The following ESR1 variants were observed in gnomAD, a reference collection of about 807,000 sequenced individuals.
ESR1 encodes estrogen receptor.
A neutral mutation model predicts 52.7 loss-of-function variants in ESR1; 12 were observed. The ratio of observed to expected loss-of-function variants is 0.23; its 90% CI spans 0.15 to 0.37. The LOEUF is 0.37. Among genes scored for constraint, ESR1 ranks in the 10% least tolerant of loss-of-function variants. The pLI, the probability that ESR1 is intolerant of heterozygous loss-of-function variation, is 1.00. For synonymous variants in ESR1, 305 were observed against 316.8 expected (o/e 0.96, Z 0.39); for missense variants, 584 against 779.7 (o/e 0.75, Z 2.99).
At chr6:151,939,296 C>A (rs970281988) in intron 3 of ESR1, among the ~76,000 whole-genome samples, 1 of 152,106 alleles carries the variant, frequency 6.6e-6, no homozygotes, top group African/African-American at 2.4e-5. Flanking sequence ...GTAGTTTGAC[C>A]TTTTGGCTTT....
At chr6:151,821,321 A>G (rs747972306) in intron 1 of ESR1, among the ~76,000 whole-genome samples, 2 of 152,166 alleles carry the variant, frequency 1.3e-5, no homozygotes, top group African/African-American at 4.8e-5. Context: ...GCTAAAGTGA[A>G]TGCCCCAGCC....
intron 5 of ESR1, among the ~76,000 whole-genome samples, chr6:152,032,732 T>C (rs1384934037): frequency 6.6e-6 from 1 of 152,170 alleles, no homozygotes; most frequent in Non-Finnish European, 1.5e-5. Context: ...AATTTATAGA[T>C]TCAATGCTAT....
chr6:151,714,469 C>T (rs7747659), intron 2 of ESR1, among the ~76,000 whole-genome samples: 1,639 of 152,260 alleles, frequency 0.011, 26 homozygotes, highest in African/African-American at 0.037. Context: ...GTGTGAGAAT[C>T]TAAGTCTCTT....
chr6:151,714,776 C>G (rs141533221), intron 2 of ESR1, among the ~76,000 whole-genome samples: 2,939 of 152,162 alleles, frequency 0.019, 34 homozygotes, highest in East Asian at 0.032. Context: ...ACCAATGGGT[C>G]TTGACTCTTT....
chr6:152,022,803 C>G (rs1269392442), intron 5 of ESR1, among the ~76,000 whole-genome samples: 1 of 124,158 alleles, frequency 8.1e-6, no homozygotes, highest in Admixed American at 7.1e-5. Context: ...GAAACCCTGT[C>G]TCTACTAAAA....
chr6:151,846,971 A>G (rs1484819344), intron 2 of ESR1, among the ~76,000 whole-genome samples: 1 of 152,144 alleles, frequency 6.6e-6, no homozygotes, highest in African/African-American at 2.4e-5. Flanking sequence ...TTTCATTATT[A>G]TTTCAGAAGG....
chr6:151,859,786 G>A (rs779266403), intron 2 of ESR1, among the ~76,000 whole-genome samples: 2 of 152,158 alleles, frequency 1.3e-5, no homozygotes, highest in Non-Finnish European at 1.5e-5. Flanking sequence ...ATGTACAGAG[G>A]TGATCCCTGG....
chr6:151,688,206 C>T (rs1778763721), upstream of ESR1, among the ~76,000 whole-genome samples: 1 of 152,114 alleles, frequency 6.6e-6, no homozygotes, highest in Non-Finnish European at 1.5e-5. Flanking sequence ...TCATAACAAC[C>T]TTTCTGGATT....
intron 6 of ESR1, among the ~76,000 whole-genome samples, chr6:152,118,736 A>C (rs2051239898): frequency 6.6e-6 from 1 of 152,160 alleles, no homozygotes; most frequent in East Asian, 1.9e-4. Context: ...CCTGTGTAAC[A>C]AACCTGCACG....
intron 2 of ESR1, among the ~76,000 whole-genome samples, chr6:151,797,438 C>T (rs1033374689): frequency 2.6e-5 from 4 of 152,204 alleles, no homozygotes; most frequent in Non-Finnish European, 4.4e-5. Flanking sequence ...GGGTATTTTA[C>T]ACTAGGACTT....
chr6:151,762,291 A>G (rs1383855423), intron 2 of ESR1, among the ~76,000 whole-genome samples: 2 of 152,354 alleles, frequency 1.3e-5, no homozygotes, highest in Middle Eastern at 3.4e-3. Context: ...GCATGTTTTT[A>G]GAACATCCAT....
At chr6:151,879,122 G>C (rs888152498) in intron 2 of ESR1, among the ~76,000 whole-genome samples, 2 of 152,168 alleles carry the variant, frequency 1.3e-5, no homozygotes, top group Admixed American at 6.5e-5. Context: ...ATGTTGGATG[G>C]AGGAAATTGA....
intron 1 of ESR1, among the ~76,000 whole-genome samples, chr6:151,813,753 CTTTG>C (rs1444228658): frequency 6.6e-6 from 1 of 152,050 alleles, no homozygotes; most frequent in African/African-American, 2.4e-5. Context: ...TAGTAGACTT[CTTTG>C]TTTGGTAATG....
At chr6:151,714,741 G>A (rs1465181599) in intron 2 of ESR1, among the ~76,000 whole-genome samples, 1 of 152,060 alleles carries the variant, frequency 6.6e-6, no homozygotes, top group Non-Finnish European at 1.5e-5. Context: ...CTTTGCATGT[G>A]ATATGGGTCT....
At chr6:151,771,704 A>G (rs570239833) in intron 2 of ESR1, among the ~76,000 whole-genome samples, 44 of 152,334 alleles carry the variant, frequency 2.9e-4, no homozygotes, top group Non-Finnish European at 6.0e-4. Flanking sequence ...TTGCTAAATT[A>G]TGAACCGCAG....
chr6:152,008,142 C>A (rs2042480030), intron 4 of ESR1, among the ~76,000 whole-genome samples: 1 of 151,980 alleles, frequency 6.6e-6, no homozygotes, highest in South Asian at 2.1e-4. Flanking sequence ...AAAGTCGAGA[C>A]CAGTATATTG....
intron 2 of ESR1, among the ~76,000 whole-genome samples, chr6:151,718,674 T>C (rs890694285): frequency 6.6e-6 from 1 of 152,242 alleles, no homozygotes; most frequent in Non-Finnish European, 1.5e-5. Flanking sequence ...CAATTAGTGA[T>C]GTCTGTTTAA....
chr6:151,851,717 G>A (rs1412276966), intron 2 of ESR1, among the ~76,000 whole-genome samples: 6 of 151,936 alleles, frequency 3.9e-5, no homozygotes, highest in Admixed American at 2.0e-4. Context: ...TAGTAGAGAC[G>A]GGGTTTCACC....
At position 152,102,310 on chromosome 6, in the gene ESR1, C is replaced by G. The variant is rs1167478175; in HGVS notation, c.*3344C>G. ...AGAGTACTCCTTCCCCTGCATGACACTGATTACAAATACTTTCCTATTCAT... is the reference window on the plus strand; with the variant it reads ...AGAGTACTCCTTCCCCTGCATGACAGTGATTACAAATACTTTCCTATTCAT... On this transcript the variant is annotated 3_prime_UTR_variant, in exon 8 of 8. Coordinates refer to ENST00000206249, the MANE Select transcript of ESR1 (RefSeq NM_000125.4). 3 of 207,484 alleles carry G rather than the reference C, an allele frequency of 1.4e-5. No individual in the cohort carries two copies. Among genetic ancestry groups the G allele is most frequent in the African/African-American group, 6.8e-5 (3 of 43,898 alleles). 12.9% of individuals were successfully genotyped at this position (207,484 alleles called of 1,614,324 possible).
Sources: allele counts gnomAD v4.1 joint callset (sites outside exome capture counted in the v4.1 genomes callset), GRCh38; gene constraint gnomAD v4.1.1; transcripts MANE v1.5; gene names NCBI Gene and HGNC (gene_info 2026-07-23, HGNC 2026-07-21).